CEP70: variants seen among roughly 807,000 people sequenced by gnomAD.
The protein encoded by CEP70 is centrosomal protein 70.
CEP70 carries 70 observed loss-of-function variants against 90.9 expected under a neutral mutation model. The observed-to-expected ratio is 0.77, with a 90% confidence interval of 0.64 to 0.94. CEP70 has a LOEUF of 0.94. Ranked by LOEUF, CEP70 falls within the 40% of genes least tolerant of loss-of-function variation. The probability of loss-of-function intolerance (pLI) is 0.00; values close to 1 mark genes in which losing one functional copy is unlikely to be tolerated. For synonymous variants in CEP70, 220 were observed against 228.3 expected (o/e 0.96, Z 0.33); for missense variants, 648 against 669.0 (o/e 0.97, Z 0.35).
intron 8 of CEP70, 143 bp from the exon 9 acceptor site, chr3:138,529,605 T>G (rs2037626576): frequency 1.6e-6 from 1 of 615,890 alleles, no homozygotes; most frequent in South Asian, 2.1e-5. Context: ...TAGAGAATGG[T>G]ATTAGAACAC....
rs191208469 is a variant in CEP70, at chr3:138,514,849, G to A, written c.945-6305C>T. ...TTCTGTTCAGTTCTTCCATATACCA[G>A]TAACCTGTATAACTTGGGCAAGTTA... On this transcript the variant is annotated intron_variant, in intron 11 of 17. Transcript: ENST00000264982. Among the ~76,000 whole-genome samples, 524 of 152,104 alleles carry A rather than the reference G, an allele frequency of 3.4e-3. 3 individuals are homozygous for A. Among genetic ancestry groups the A allele is most frequent in the Admixed American group, 6.7e-3 (103 of 15,290 alleles).
intron 11 of CEP70, among the ~76,000 whole-genome samples, chr3:138,519,706 C>T (rs1020248297): frequency 3.5e-4 from 54 of 152,156 alleles, no homozygotes; most frequent in African/African-American, 9.7e-4. Context: ...AAGGAACAAC[C>T]GGTACCAGCC....
intron 3 of CEP70, 138 bp downstream of exon 3, chr3:138,572,721 A>T (rs929591547): frequency 3.8e-5 from 26 of 687,738 alleles, no homozygotes; most frequent in African/African-American, 7.2e-5. Context: ...TAATTAAACC[A>T]TTTCATAGTC....
chr3:138,514,383 T>C (rs1462508387), intron 11 of CEP70, among the ~76,000 whole-genome samples: 1 of 152,232 alleles, frequency 6.6e-6, no homozygotes, highest in Admixed American at 6.5e-5. Context: ...CTTTGCAATA[T>C]CTCTAACAGA....
chr3:138,519,900 G>A (rs930334450), intron 11 of CEP70, among the ~76,000 whole-genome samples: 1 of 152,128 alleles, frequency 6.6e-6, no homozygotes, highest in Non-Finnish European at 1.5e-5. Context: ...ATTGGATAAA[G>A]AGTCAAGACC....
At chr3:138,581,417 A>G (rs1027294563) in intron 2 of CEP70, among the ~76,000 whole-genome samples, 1 of 152,032 alleles carries the variant, frequency 6.6e-6, no homozygotes, top group South Asian at 2.1e-4. Flanking sequence ...TAGAAAGTTT[A>G]TTCAGGCCGG....
intron 12 of CEP70, among the ~76,000 whole-genome samples, chr3:138,507,597 T>C (rs1239869392): frequency 6.6e-6 from 1 of 152,124 alleles, no homozygotes; most frequent in Non-Finnish European, 1.5e-5. Flanking sequence ...TATAAATGAA[T>C]ATGATCTATG....
chr3:138,519,459 G>T (rs1190520570), intron 11 of CEP70, among the ~76,000 whole-genome samples: 13 of 152,318 alleles, frequency 8.5e-5, no homozygotes, highest in South Asian at 2.1e-4. Flanking sequence ...ACAAAGGGAA[G>T]CCCATCAGAC....
chr3:138,546,216 C>T (rs2039186845), intron 6 of CEP70, among the ~76,000 whole-genome samples: 1 of 152,098 alleles, frequency 6.6e-6, no homozygotes, highest in East Asian at 1.9e-4. Context: ...GACCAGCCAA[C>T]ACTTAGGGAA....
chr3:138,520,524 G>GA (rs1323984177), intron 11 of CEP70, among the ~76,000 whole-genome samples: 6 of 152,110 alleles, frequency 3.9e-5, no homozygotes, highest in Non-Finnish European at 1.5e-5. Context: ...TCAGGATTAA[G>GA]AAACTCACTC....
chr3:138,525,810 A>G (rs2037173528), intron 10 of CEP70, among the ~76,000 whole-genome samples: 1 of 152,186 alleles, frequency 6.6e-6, no homozygotes, highest in African/African-American at 2.4e-5. Context: ...TTATAGTGAA[A>G]TATTTCAAGT....
chr3:138,543,364 G>A (rs1039554857), intron 6 of CEP70, among the ~76,000 whole-genome samples: 1 of 152,184 alleles, frequency 6.6e-6, no homozygotes, highest in Non-Finnish European at 1.5e-5. Context: ...TGTCAGCACT[G>A]CCCCGAGTGT....
At chr3:138,511,196 C>T (rs1424291562) in intron 11 of CEP70, among the ~76,000 whole-genome samples, 1 of 152,148 alleles carries the variant, frequency 6.6e-6, no homozygotes, top group Non-Finnish European at 1.5e-5. Context: ...TTTCTCCTGA[C>T]TCCTTTCTTA....
intron 1 of CEP70, 181 bp downstream of exon 1, chr3:138,594,017 G>A (rs2042531434): frequency 6.6e-6 from 1 of 152,344 alleles, no homozygotes; most frequent in African/African-American, 2.4e-5. Context: ...GGGACTGGAG[G>A]CAGTTTTGTC....
chr3:138,560,595 T>C (rs2040337370), intron 6 of CEP70, among the ~76,000 whole-genome samples: 2 of 151,734 alleles, frequency 1.3e-5, no homozygotes, highest in South Asian at 4.2e-4. Context: ...CCCACCCCCA[T>C]GGAGCCCAGC....
chr3:138,549,536 G>T (rs1005824017), intron 6 of CEP70, among the ~76,000 whole-genome samples: 2 of 151,990 alleles, frequency 1.3e-5, no homozygotes, highest in Non-Finnish European at 2.9e-5. Flanking sequence ...ATACCCCCAT[G>T]CCCCACAGCA....
intron 6 of CEP70, among the ~76,000 whole-genome samples, chr3:138,549,775 A>G (rs1246570973): frequency 1.3e-5 from 2 of 152,126 alleles, no homozygotes; most frequent in African/African-American, 2.4e-5. Context: ...ATAGCGCATT[A>G]AACAACCAAA....
At chr3:138,499,517 G>A (rs574599164) in intron 16 of CEP70, among the ~76,000 whole-genome samples, 1 of 152,270 alleles carries the variant, frequency 6.6e-6, no homozygotes, top group African/African-American at 2.4e-5. Flanking sequence ...CTGAAAACAG[G>A]CTTATGCTGA....
chr3:138,551,514 G>T (rs995464040), intron 6 of CEP70, among the ~76,000 whole-genome samples: 1 of 152,186 alleles, frequency 6.6e-6, no homozygotes, highest in African/African-American at 2.4e-5. Flanking sequence ...GGGAGAACGA[G>T]GCAGGTGGAT....
Sources: gnomAD v4.1 joint callset for allele counts (sites outside exome capture counted in the v4.1 genomes callset) on GRCh38, gnomAD v4.1.1 for gene constraint, MANE v1.5 for transcripts, NCBI Gene and HGNC (gene_info 2026-07-23, HGNC 2026-07-21) for gene names.